The following PDE11A variants were observed in gnomAD, a reference collection of about 807,000 sequenced individuals.
PDE11A encodes the protein phosphodiesterase 11A, also known as dual 3',5'-cyclic-AMP and -GMP phosphodiesterase 11A.
In PDE11A, 100 loss-of-function variants were observed where a neutral mutation model predicts 100.5. The observed-to-expected ratio is 1.00, with a 90% CI of 0.85 to 1.18. The LOEUF is 1.18. Ranked by LOEUF, PDE11A falls within the 50% of genes most tolerant of loss-of-function variation. The pLI, the probability that PDE11A is intolerant of heterozygous loss-of-function variation, is 0.00. For missense variants in PDE11A, 1,141 were observed against 1,152.6 expected, an observed-to-expected ratio of 0.99 and a Z score of 0.15; for synonymous variants, 381 against 420.8, an observed-to-expected ratio of 0.91 and a Z score of 1.16.
At chr2:177,847,073 A>G (rs1311163359) in intron 5 of PDE11A, among the ~76,000 whole-genome samples, 1 of 152,048 alleles carries the variant, frequency 6.6e-6, no homozygotes, top group Non-Finnish European at 1.5e-5. Context: ...CCTGTCTCCA[A>G]TTCCTTAAGT....
intron 10 of PDE11A, among the ~76,000 whole-genome samples, chr2:177,734,654 G>A (rs2081746136): frequency 6.6e-6 from 1 of 151,984 alleles, no homozygotes; most frequent in Non-Finnish European, 1.5e-5. Flanking sequence ...GAGTGGCAGT[G>A]GGCAAGAAAC....
At chr2:177,815,981 C>T (rs931931738) in intron 9 of PDE11A, among the ~76,000 whole-genome samples, 8 of 152,078 alleles carry the variant, frequency 5.3e-5, no homozygotes, top group African/African-American at 1.7e-4. Context: ...GAGGCCAAGG[C>T]GGGCAGATCA....
At chr2:177,937,168 G>T (rs1456379655) in intron 2 of PDE11A, among the ~76,000 whole-genome samples, 1 of 151,946 alleles carries the variant, frequency 6.6e-6, no homozygotes, top group African/African-American at 2.4e-5. Flanking sequence ...CCTGGCTTCT[G>T]CCTGTTGAAC....
At chr2:178,104,535 C>T (rs190193968) in intron 1 of PDE11A, 299 of 1,429,096 alleles carry the variant, frequency 2.1e-4, no homozygotes, top group African/African-American at 1.7e-3. Flanking sequence ...TTTTCAAAGC[C>T]GGGGAGAAAA....
Position 177,664,121 on chromosome 2 carries a change from A to C in PDE11A, c.2563-172T>G, listed in dbSNP as rs377614492. Among the ~76,000 whole-genome samples the C allele has an allele frequency of 5.3e-5, 8 of 152,316 alleles. No individual in the cohort carries two copies. The East Asian group carries it at 9.6e-4, about 18-fold the overall frequency. The stretch of plus-strand genomic sequence containing the variant: ...TCCTTTATCTATGATGAGAAATAAA[A>C]TGTTTTTACCTCTTTTTATGAGATT... On this transcript the variant is annotated intron_variant, in intron 18 of 19. Transcript: ENST00000286063.
chr2:177,980,550 C>G lies in PDE11A; in HGVS notation c.1071+33752G>C, dbSNP rs549025284. ...CAATTTTGGGTTCTAAGTTTTAGCCCAGGTTCAGTGTCTCTGACATCTACA... is the reference window on the plus strand; with the variant it reads ...CAATTTTGGGTTCTAAGTTTTAGCCGAGGTTCAGTGTCTCTGACATCTACA... On this transcript the variant is annotated intron_variant, in intron 2 of 19. Transcript: ENST00000286063. Among the ~76,000 whole-genome samples, 89 of 145,262 alleles carry G rather than the reference C, an allele frequency of 6.1e-4. 6 individuals carry two copies. Among genetic ancestry groups the G allele is most frequent in the South Asian group, 9.3e-4 (4 of 4,322 alleles).
chr2:178,003,467 T>C (rs558479182), intron 2 of PDE11A, among the ~76,000 whole-genome samples: 1 of 152,212 alleles, frequency 6.6e-6, no homozygotes, highest in African/African-American at 2.4e-5. Flanking sequence ...TTACATATTA[T>C]ATGGCTCTAT....
At chr2:177,950,842 C>T (rs1234550450) in intron 2 of PDE11A, among the ~76,000 whole-genome samples, 5 of 152,040 alleles carry the variant, frequency 3.3e-5, no homozygotes, top group South Asian at 2.1e-4. Context: ...ACCCGGGAGG[C>T]GGAGCTTGCA....
intron 1 of PDE11A, among the ~76,000 whole-genome samples, chr2:178,016,375 G>T (rs2086337987): frequency 6.6e-6 from 1 of 152,020 alleles, no homozygotes; most frequent in Admixed American, 6.6e-5. Flanking sequence ...TCCAATTAAA[G>T]AGAGGGAAAT....
chr2:177,833,617 A>G (rs1188951095), intron 6 of PDE11A, among the ~76,000 whole-genome samples: 1 of 152,212 alleles, frequency 6.6e-6, no homozygotes, highest in African/African-American at 2.4e-5. Flanking sequence ...GCTAAAAAAT[A>G]TCCAATATTT....
At chr2:178,057,678 A>G (rs941133244) in intron 1 of PDE11A, among the ~76,000 whole-genome samples, 1 of 152,120 alleles carries the variant, frequency 6.6e-6, no homozygotes, top group Non-Finnish European at 1.5e-5. Context: ...AACCTTGTTC[A>G]TTCCTCTTCT....
intron 18 of PDE11A, among the ~76,000 whole-genome samples, chr2:177,669,210 A>T (rs1227074324): frequency 6.6e-6 from 1 of 152,208 alleles, no homozygotes. Context: ...AAATGCCAGC[A>T]CTGGGCTTTG....
At chr2:177,847,138 C>G (rs1235638647) in intron 5 of PDE11A, among the ~76,000 whole-genome samples, 1 of 152,102 alleles carries the variant, frequency 6.6e-6, no homozygotes, top group African/African-American at 2.4e-5. Context: ...CTAGATGTAA[C>G]CCCCCTTGTT....
At chr2:177,705,586 C>A (rs2081266338) in intron 13 of PDE11A, among the ~76,000 whole-genome samples, 1 of 152,166 alleles carries the variant, frequency 6.6e-6, no homozygotes, top group Admixed American at 6.5e-5. Flanking sequence ...TGGCACTTTG[C>A]ACAGGCACCA....
chr2:177,792,435 T>A (rs1036847766), intron 9 of PDE11A, among the ~76,000 whole-genome samples: 1 of 152,204 alleles, frequency 6.6e-6, no homozygotes, highest in African/African-American at 2.4e-5. Flanking sequence ...TATTTATATA[T>A]ACTGATTTTC....
At chr2:177,984,785 A>G (rs768645633) in intron 2 of PDE11A, among the ~76,000 whole-genome samples, 11 of 152,232 alleles carry the variant, frequency 7.2e-5, no homozygotes, top group Non-Finnish European at 1.6e-4. Flanking sequence ...TAATTTGCCA[A>G]GTACTACTAC....
chr2:178,076,621 G>A (rs1399516656), upstream of PDE11A, among the ~76,000 whole-genome samples: 3 of 152,110 alleles, frequency 2.0e-5, no homozygotes, highest in Admixed American at 6.5e-5. Context: ...TCCTAAGTTT[G>A]CCTCCTAATT....
chr2:177,720,484 T>C (rs534985235), intron 12 of PDE11A, among the ~76,000 whole-genome samples: 1 of 152,270 alleles, frequency 6.6e-6, no homozygotes. Flanking sequence ...TTAGTGGTCA[T>C]ACTCCCTCGG....
chr2:177,999,405 C>T (rs1023065578), intron 2 of PDE11A, among the ~76,000 whole-genome samples: 3 of 152,198 alleles, frequency 2.0e-5, no homozygotes, highest in African/African-American at 4.8e-5. Context: ...ATTTCAGTTA[C>T]ACTACATCAC....
Sources: allele counts gnomAD v4.1 joint callset (sites outside exome capture counted in the v4.1 genomes callset), GRCh38; gene constraint gnomAD v4.1.1; transcripts MANE v1.5; gene names NCBI Gene and HGNC (gene_info 2026-07-23, HGNC 2026-07-21).